The following VAV3 variants were observed in gnomAD, a reference collection of about 807,000 sequenced individuals.
VAV3 encodes the protein vav guanine nucleotide exchange factor 3, also known as guanine nucleotide exchange factor VAV3.
VAV3 carries 94 observed loss-of-function variants against 131.2 expected under a neutral mutation model. The observed-to-expected ratio is 0.72, with a 90% confidence interval of 0.61 to 0.85. The LOEUF is 0.85. Among genes scored for constraint, VAV3 ranks in the 40% least tolerant of loss-of-function variants. The pLI is 0.00. For missense variants in VAV3, 939 were observed against 1,002.7 expected, an observed-to-expected ratio of 0.94 and a Z score of 0.86; for synonymous variants, 349 against 342.0, an observed-to-expected ratio of 1.02 and a Z score of -0.22.
At chr1:107,712,958 G>T (rs929145202) in intron 15 of VAV3, among the ~76,000 whole-genome samples, 1 of 152,144 alleles carries the variant, frequency 6.6e-6, no homozygotes, top group Non-Finnish European at 1.5e-5. Context: ...TTTCGGGACA[G>T]AGGAAAAACA....
chr1:107,619,358 T>G (rs777839513), intron 20 of VAV3, among the ~76,000 whole-genome samples: 1 of 152,190 alleles, frequency 6.6e-6, no homozygotes, highest in Non-Finnish European at 1.5e-5. Context: ...ATGGTAGCAG[T>G]AACTACAAGG....
At chr1:107,720,890 G>A (rs2101919369) in intron 15 of VAV3, among the ~76,000 whole-genome samples, 1 of 152,312 alleles carries the variant, frequency 6.6e-6, no homozygotes, top group South Asian at 2.1e-4. Context: ...AGACCAAAAT[G>A]CAAGAACTCT....
rs572746405 is a variant in VAV3, at chr1:107,727,597, ATATT to A, written c.1502+21367_1502+21370del. 2.1e-3 allele frequency among the ~76,000 whole-genome samples: 321 copies of A among 152,360 alleles called. 1 individual carries two copies. Among genetic ancestry groups the A allele is most frequent in the African/African-American group, 7.3e-3 (303 of 41,586 alleles). ...GTCTACTAATGAACATTTAAAATTA[ATATT>A]TGACTATTTCCCAATCAGTCAAGTA... is the stretch of plus-strand genomic sequence containing the variant. On this transcript the variant is annotated intron_variant, in intron 15 of 26. Transcript: ENST00000370056.
intron 15 of VAV3, among the ~76,000 whole-genome samples, chr1:107,728,653 T>A (rs1345389809): frequency 3.2e-5 from 2 of 63,380 alleles, no homozygotes; most frequent in African/African-American, 1.1e-4. Context: ...GTATATGTAT[T>A]GTGTAAAACC....
At chr1:107,594,857 A>G (rs963036549) in intron 25 of VAV3, among the ~76,000 whole-genome samples, 4 of 152,032 alleles carry the variant, frequency 2.6e-5, no homozygotes, top group African/African-American at 4.8e-5. Context: ...GGCTCTCTAG[A>G]GCTAAGTGAA....
At chr1:107,704,518 A>G (rs1345751196) in intron 17 of VAV3, 32 bp downstream of exon 17, 1 of 1,572,064 alleles carries the variant, frequency 6.4e-7, no homozygotes, top group East Asian at 2.2e-5. Context: ...GTCCTCATTA[A>G]AAACAGAATT....
rs56043852 is a variant in VAV3 at position 107,617,403 on chromosome 1, T to C, written c.1980+164A>G. On this transcript the variant is annotated intron_variant, in intron 21 of 26. Transcript: ENST00000370056. The stretch of plus-strand genomic sequence containing the variant: ...TATTTTCTTAATATTAAAAAACATA[T>C]TCTGACAATAGAACTATAATGATGT... Among the ~76,000 whole-genome samples, 21,047 of 152,144 alleles carry C rather than the reference T, an allele frequency of 0.14. 1,553 individuals are homozygous for C. Among genetic ancestry groups the C allele is most frequent in the Non-Finnish European group, 0.16 (11,173 of 67,992 alleles).
intron 1 of VAV3, chr1:107,963,308 GAA>G (rs1675228305): frequency 6.6e-6 from 1 of 152,460 alleles, no homozygotes; most frequent in Non-Finnish European, 1.5e-5. Context: ...CACCATAATA[GAA>G]AAGTCTGCCA....
At chr1:107,801,459 T>C (rs1456197178) in intron 2 of VAV3, among the ~76,000 whole-genome samples, 1 of 152,156 alleles carries the variant, frequency 6.6e-6, no homozygotes, top group African/African-American at 2.4e-5. Flanking sequence ...ACTTTATACT[T>C]CTATATTTGA....
chr1:107,819,702 A>C (rs777901407), intron 2 of VAV3, among the ~76,000 whole-genome samples: 54 of 152,284 alleles, frequency 3.5e-4, no homozygotes, highest in Admixed American at 1.2e-3. Context: ...GCCTTTAAAA[A>C]TATATACACC....
chr1:107,815,612 T>C (rs1280975974), intron 2 of VAV3, among the ~76,000 whole-genome samples: 1 of 152,240 alleles, frequency 6.6e-6, no homozygotes, highest in Non-Finnish European at 1.5e-5. Context: ...TCCTTATTGA[T>C]AGAGATGCTA....
chr1:107,925,025 A>G (rs781478421), intron 1 of VAV3, among the ~76,000 whole-genome samples: 8 of 152,248 alleles, frequency 5.3e-5, no homozygotes, highest in Non-Finnish European at 1.0e-4. Flanking sequence ...AATGGATAAA[A>G]TATGGTACAT....
At chr1:107,863,266 T>C (rs1669826613) in intron 2 of VAV3, among the ~76,000 whole-genome samples, 2 of 152,170 alleles carry the variant, frequency 1.3e-5, no homozygotes, top group African/African-American at 4.8e-5. Context: ...TCTCAAACTC[T>C]GGGCCTCTTT....
intron 22 of VAV3, among the ~76,000 whole-genome samples, chr1:107,604,006 A>T (rs1652074272): frequency 6.9e-6 from 1 of 145,934 alleles, no homozygotes; most frequent in African/African-American, 2.5e-5. Context: ...CTGGCCTTAA[A>T]CATACAGAAA....
chr1:107,800,672 T>A (rs1666786350), intron 2 of VAV3, among the ~76,000 whole-genome samples: 1 of 152,180 alleles, frequency 6.6e-6, no homozygotes, highest in Non-Finnish European at 1.5e-5. Context: ...ATTTTTTAAA[T>A]CAGTAATTGT....
chr1:107,964,525 G>T, intron 1 of VAV3, 141 bp downstream of exon 1: 1 of 905,870 alleles, frequency 1.1e-6, no homozygotes, highest in Non-Finnish European at 1.6e-6. Flanking sequence ...CCAAAGTGGT[G>T]CCGAAGTGGT....
intron 18 of VAV3, among the ~76,000 whole-genome samples, chr1:107,686,195 G>A (rs1021746791): frequency 6.6e-6 from 1 of 152,056 alleles, no homozygotes; most frequent in East Asian, 1.9e-4. Context: ...TGGAGCCAGA[G>A]GAACTTTCCG....
intron 25 of VAV3, chr1:107,576,310 G>T: frequency 8.4e-7 from 1 of 1,185,858 alleles, no homozygotes; most frequent in South Asian, 1.7e-5. Context: ...GTATCCGTAT[G>T]AGAAGCCATA....
chr1:107,694,714 A>G (rs1209175207), intron 17 of VAV3, among the ~76,000 whole-genome samples: 1 of 152,150 alleles, frequency 6.6e-6, no homozygotes, highest in African/African-American at 2.4e-5. Context: ...AGTGATCTTC[A>G]GGGCCCAGAA....
Sources: gnomAD v4.1 joint callset for allele counts (sites outside exome capture counted in the v4.1 genomes callset) on GRCh38, gnomAD v4.1.1 for gene constraint, MANE v1.5 for transcripts, NCBI Gene and HGNC (gene_info 2026-07-23, HGNC 2026-07-21) for gene names.